The following CDH4 variants were observed in gnomAD, a reference collection of about 807,000 sequenced individuals.
CDH4 encodes the protein cadherin 4, also known as cadherin-4.
CDH4 carries 33 observed loss-of-function variants against 86.0 expected under a neutral mutation model. That is an observed-to-expected ratio of 0.38 (90% confidence interval 0.29 to 0.51). CDH4 has a LOEUF of 0.51. CDH4 is among the 20% of genes least tolerant of loss of function. CDH4 has a pLI of 0.86. For missense variants in CDH4, 1,114 were observed against 1,307.4 expected (o/e 0.85, Z 2.28); for synonymous variants, 555 against 549.4 (o/e 1.01, Z -0.14).
intron 2 of CDH4, among the ~76,000 whole-genome samples, chr20:61,628,071 G>A (rs1013076994): frequency 1.1e-4 from 16 of 152,112 alleles, no homozygotes; most frequent in South Asian, 4.1e-4. Flanking sequence ...GTGGGGACGC[G>A]TGGACACAAC....
At chr20:61,773,324 CT>C in intron 4 of CDH4, 142 bp downstream of exon 4, 1 of 799,156 alleles carries the variant, frequency 1.3e-6, no homozygotes, top group Non-Finnish European at 1.9e-6. Context: ...TGAGATAAGC[CT>C]TACACAGCGC....
Position 61,850,124 on chromosome 20 carries a change from T to TGATGC in CDH4, c.733-2630_733-2629insGATGC, listed in dbSNP as rs1982646051. On this transcript the variant is annotated intron_variant, in intron 5 of 15. Coordinates refer to ENST00000614565, the MANE Select transcript of CDH4 (RefSeq NM_001794.5). ...CACTGCTGGCTTTGCAGGGTGATGCTCCAGAAGATTCCTTGAAGGATTCCG... is the reference window on the plus strand; with the variant it reads ...CACTGCTGGCTTTGCAGGGTGATGCTGATGCCCAGAAGATTCCTTGAAGGATTCCG... Among the ~76,000 whole-genome samples the TGATGC allele has an allele frequency of 5.3e-5, 8 of 152,312 alleles. No individual in the cohort carries two copies. The South Asian group carries it at 1.7e-3, about 32-fold the overall frequency.
At chr20:61,524,279 A>G (rs2085894445) in intron 2 of CDH4, among the ~76,000 whole-genome samples, 1 of 152,116 alleles carries the variant, frequency 6.6e-6, no homozygotes, top group African/African-American at 2.4e-5. Context: ...AAAAATACCC[A>G]AAGGAGGGCA....
At chr20:61,458,088 T>C (rs184566057) in intron 2 of CDH4, among the ~76,000 whole-genome samples, 15 of 150,218 alleles carry the variant, frequency 1.0e-4, no homozygotes, top group Non-Finnish European at 2.2e-4. Context: ...AGTCATATCA[T>C]GGTGATGGTC....
intron 2 of CDH4, among the ~76,000 whole-genome samples, chr20:61,620,933 C>T (rs2086771978): frequency 1.3e-5 from 2 of 152,234 alleles, no homozygotes; most frequent in South Asian, 2.1e-4. Flanking sequence ...TTCTTCCACG[C>T]GGGAAGGTTC....
At chr20:61,326,919 A>C (rs2084539878) in intron 2 of CDH4, among the ~76,000 whole-genome samples, 1 of 152,200 alleles carries the variant, frequency 6.6e-6, no homozygotes, top group South Asian at 2.1e-4. Context: ...ACATGAAATA[A>C]CTATTTTCAG....
chr20:61,432,529 A>G (rs906216038), intron 2 of CDH4, among the ~76,000 whole-genome samples: 1 of 151,998 alleles, frequency 6.6e-6, no homozygotes, highest in African/African-American at 2.4e-5. Flanking sequence ...TATATTCTAG[A>G]TATAATTTTT....
chr20:61,934,925 A>G (rs979591600), intron 15 of CDH4, among the ~76,000 whole-genome samples: 1 of 152,240 alleles, frequency 6.6e-6, no homozygotes, highest in Non-Finnish European at 1.5e-5. Flanking sequence ...ATCGCTTACA[A>G]TGTCGCCAGG....
intron 2 of CDH4, among the ~76,000 whole-genome samples, chr20:61,712,916 T>C (rs2087908874): frequency 6.6e-6 from 1 of 152,040 alleles, no homozygotes; most frequent in Non-Finnish European, 1.5e-5. Flanking sequence ...GGAAGTCAGT[T>C]TGTGAAATGT....
intron 2 of CDH4, among the ~76,000 whole-genome samples, chr20:61,399,858 G>C (rs2085040323): frequency 6.6e-6 from 1 of 152,178 alleles, no homozygotes; most frequent in African/African-American, 2.4e-5. Context: ...TCCCCGGCAG[G>C]GTCTGAGGGG....
intron 4 of CDH4, among the ~76,000 whole-genome samples, chr20:61,838,948 C>T (rs186042797): frequency 4.5e-4 from 69 of 152,250 alleles, no homozygotes; most frequent in Admixed American, 3.8e-3. Context: ...TGGGGCAAGA[C>T]GGCCATGGCA....
intron 6 of CDH4, among the ~76,000 whole-genome samples, chr20:61,853,890 G>T (rs745321691): frequency 2.1e-4 from 32 of 152,182 alleles, no homozygotes; most frequent in Non-Finnish European, 3.4e-4. Flanking sequence ...CGGGGGAGGT[G>T]AGGTCACTGA....
intron 2 of CDH4, among the ~76,000 whole-genome samples, chr20:61,385,462 GCCC>G (rs11469841): frequency 0.25 from 37,281 of 151,300 alleles, 4,930 homozygotes; most frequent in African/African-American, 0.34. Flanking sequence ...GCCGCCCCCC[GCCC>G]CCTTGGATTG....
rs77762727 is a variant in CDH4 at position 61,528,960 on chromosome 20, G to T, written c.170-214603G>T. ...TGTGGGGAATTAGACATTTTAGAAAGGTTCCCAACAGAGGCCAAAGCAGGA... is the reference window on the plus strand; with the variant it reads ...TGTGGGGAATTAGACATTTTAGAAATGTTCCCAACAGAGGCCAAAGCAGGA... On this transcript the variant is annotated intron_variant, in intron 2 of 15. Transcript: ENST00000614565. Among the ~76,000 whole-genome samples the T allele has an allele frequency of 6.0e-3, 912 of 152,090 alleles. 13 individuals carry two copies. Among genetic ancestry groups the T allele is most frequent in the African/African-American group, 0.021 (852 of 41,480 alleles).
chr20:61,551,793 AT>A (rs1353352215), intron 2 of CDH4, among the ~76,000 whole-genome samples: 2 of 152,250 alleles, frequency 1.3e-5, no homozygotes, highest in Admixed American at 6.5e-5. Context: ...ATATAGACCA[AT>A]AGAAGTGAAT....
chr20:61,365,120 C>T (rs902899610), intron 2 of CDH4, among the ~76,000 whole-genome samples: 1 of 152,206 alleles, frequency 6.6e-6, no homozygotes, highest in East Asian at 1.9e-4. Flanking sequence ...GTCTATAATG[C>T]ACCTCAGTGC....
Position 61,272,480 on chromosome 20 carries a change from A to G in CDH4, c.169+17543A>G, listed in dbSNP as rs147415570. Among the ~76,000 whole-genome samples, 485 of 152,270 alleles carry G rather than the reference A, an allele frequency of 3.2e-3. 1 individual carries two copies. Among genetic ancestry groups the G allele is most frequent in the African/African-American group, 0.011 (447 of 41,566 alleles). On this transcript the variant is annotated intron_variant, in intron 2 of 15. Coordinates refer to ENST00000614565, the MANE Select transcript of CDH4 (RefSeq NM_001794.5). ...AGTTATCTAGGAATTGTCTTATTGC[A>G]TTTCTCCCTTATCAGTTTTGAAATA...
intron 2 of CDH4, among the ~76,000 whole-genome samples, chr20:61,560,569 ACTT>A (rs2086209257): frequency 1.3e-5 from 2 of 152,182 alleles, no homozygotes; most frequent in Non-Finnish European, 2.9e-5. Flanking sequence ...CTAGCGGGTT[ACTT>A]ACCCCGCCCT....
intron 4 of CDH4, 81 bp downstream of exon 4, chr20:61,773,263 C>G: frequency 1.5e-6 from 2 of 1,350,700 alleles, no homozygotes; most frequent in Non-Finnish European, 2.0e-6. Flanking sequence ...AAGCCAGGGG[C>G]GGGTTCCGCG....
Sources: gnomAD v4.1 joint callset for allele counts (sites outside exome capture counted in the v4.1 genomes callset) on GRCh38, gnomAD v4.1.1 for gene constraint, MANE v1.5 for transcripts, NCBI Gene and HGNC (gene_info 2026-07-23, HGNC 2026-07-21) for gene names.